Variants in MYCT1 observed in about 807,000 individuals in gnomAD.
The protein encoded by MYCT1 is MYC target 1.
MYCT1 carries 12 observed loss-of-function variants against 15.0 expected under a neutral mutation model. That is an observed-to-expected ratio of 0.80 (90% CI 0.51 to 1.29). The LOEUF (loss-of-function observed/expected upper bound fraction) is 1.29. MYCT1 is among the 50% of genes most tolerant of loss of function. The pLI is 0.00. For missense variants in MYCT1, 287 were observed against 279.1 expected (o/e 1.03, Z -0.20); for synonymous variants, 104 against 102.7 (o/e 1.01, Z -0.07).
chr6:152,713,523 ATGTTTTC>A (rs566710995), intron 1 of MYCT1, among the ~76,000 whole-genome samples: 2 of 152,234 alleles, frequency 1.3e-5, no homozygotes, highest in Non-Finnish European at 2.9e-5. Flanking sequence ...GTTATGATGT[ATGTTTTC>A]CCCCTAGTTT....
intron 1 of MYCT1, among the ~76,000 whole-genome samples, chr6:152,705,279 C>T (rs1004274114): frequency 6.6e-6 from 1 of 152,132 alleles, no homozygotes; most frequent in African/African-American, 2.4e-5. Flanking sequence ...TAACACCAAG[C>T]CTATTTTATT....
At chr6:152,706,201 C>T in intron 1 of MYCT1, 2 of 822,898 alleles carry the variant, frequency 2.4e-6, no homozygotes, top group South Asian at 1.3e-5. Flanking sequence ...TCACCAATAA[C>T]TTCAGAGAAG....
intron 1 of MYCT1, among the ~76,000 whole-genome samples, chr6:152,714,305 C>CTT (rs5880998): frequency 1.0e-4 from 12 of 120,028 alleles, no homozygotes; most frequent in African/African-American, 3.8e-4. Flanking sequence ...TTTTCTTTTT[C>CTT]TTTTTTTTTT....
the MYCT1 span, among the ~76,000 whole-genome samples, chr6:152,739,441 G>A: frequency 6.6e-6 from 1 of 151,586 alleles, no homozygotes; most frequent in Non-Finnish European, 1.5e-5. Context: ...TAATGATTTT[G>A]ATATAGATTG....
intron 1 of MYCT1, among the ~76,000 whole-genome samples, chr6:152,718,362 C>T (rs1270839196): frequency 6.6e-6 from 1 of 151,990 alleles, no homozygotes; most frequent in African/African-American, 2.4e-5. Flanking sequence ...ATATTTCTCA[C>T]TCCATGTATT....
the MYCT1 span, among the ~76,000 whole-genome samples, chr6:152,731,498 C>T: frequency 9.7e-3 from 1,474 of 152,158 alleles, 25 homozygotes; most frequent in African/African-American, 0.03. Context: ...TGAGGTATAT[C>T]TCCTAATGCT....
intron 1 of MYCT1, among the ~76,000 whole-genome samples, chr6:152,720,710 TA>T (rs1431352445): frequency 2.0e-5 from 3 of 152,018 alleles, no homozygotes; most frequent in African/African-American, 7.2e-5. Context: ...CAGGCTTTGG[TA>T]CAGTGAGAAA....
chr6:152,745,246 G>A, the MYCT1 span, among the ~76,000 whole-genome samples: 3 of 152,164 alleles, frequency 2.0e-5, no homozygotes, highest in African/African-American at 7.2e-5. Context: ...TAAAGTAATG[G>A]TGAGTATATA....
intron 1 of MYCT1, among the ~76,000 whole-genome samples, chr6:152,713,924 G>T (rs1257625284): frequency 2.0e-5 from 3 of 152,094 alleles, no homozygotes; most frequent in Non-Finnish European, 4.4e-5. Flanking sequence ...AGTACTTGCT[G>T]TTCTTTTCTT....
At chr6:152,732,243 A>T in the MYCT1 span, among the ~76,000 whole-genome samples, 1 of 152,248 alleles carries the variant, frequency 6.6e-6, no homozygotes, top group Admixed American at 6.5e-5. Context: ...GACAAAGAAA[A>T]GTAACAGAAG....
intron 1 of MYCT1, among the ~76,000 whole-genome samples, chr6:152,706,847 ATG>A (rs4034690): frequency 0.25 from 37,167 of 147,980 alleles, 4,884 homozygotes; most frequent in South Asian, 0.36. Context: ...GAAACCATAT[ATG>A]TGTGTGTGTG....
chr6:152,717,898 T>G (rs929026316), intron 1 of MYCT1, among the ~76,000 whole-genome samples: 8 of 152,286 alleles, frequency 5.3e-5, no homozygotes, highest in African/African-American at 1.7e-4. Context: ...TGCACCCCCA[T>G]CTTATCCTAC....
At chr6:152,700,171 T>C (rs544875722) in intron 1 of MYCT1, among the ~76,000 whole-genome samples, 1 of 152,282 alleles carries the variant, frequency 6.6e-6, no homozygotes, top group African/African-American at 2.4e-5. Flanking sequence ...ATGTCAATCT[T>C]TTAAATTTCC....
At chr6:152,698,925 G>C (rs1344966967) in intron 1 of MYCT1, among the ~76,000 whole-genome samples, 1 of 152,186 alleles carries the variant, frequency 6.6e-6, no homozygotes, top group African/African-American at 2.4e-5. Flanking sequence ...GTACAAAGAA[G>C]ATGGGCTCAC....
chr6:152,723,933 T>C lies in MYCT1; in HGVS notation c.*1680T>C, dbSNP rs62426341. On this transcript the variant is annotated 3_prime_UTR_variant, in exon 2 of 2. Transcript: ENST00000367245. Reference sequence around the variant, plus strand: ...TTCCTATTGCAGTGGTCACAGCTAATAGTGTCTGAACATGGTTCAAGAATA... The same window carrying C: ...TTCCTATTGCAGTGGTCACAGCTAACAGTGTCTGAACATGGTTCAAGAATA... 2.6e-5 allele frequency: 4 copies of C among 152,272 alleles called. No individual in the cohort carries two copies. In the South Asian group the frequency reaches 8.3e-4, roughly 32 times the overall value. The allele number at this position is 152,272 out of a possible 1,614,324, so 9.4% of individuals were successfully genotyped here.
downstream of MYCT1, among the ~76,000 whole-genome samples, chr6:152,725,865 T>A (rs777627650): frequency 1.8e-4 from 27 of 152,084 alleles, no homozygotes; most frequent in Middle Eastern, 3.2e-3. Flanking sequence ...GCATTCCGTA[T>A]CAGATGTGAG....
intron 1 of MYCT1, among the ~76,000 whole-genome samples, chr6:152,704,355 T>G (rs1054183267): frequency 2.0e-5 from 3 of 152,218 alleles, no homozygotes; most frequent in African/African-American, 7.2e-5. Flanking sequence ...CAAATGGTCA[T>G]GTAAGTGTAA....
chr6:152,728,558 CT>C (rs1274009453), downstream of MYCT1, among the ~76,000 whole-genome samples: 6 of 151,414 alleles, frequency 4.0e-5, no homozygotes, highest in Admixed American at 1.3e-4. Context: ...AAAAAAAAAC[CT>C]TTAACAACAC....
chr6:152,746,360 G>A, the MYCT1 span, among the ~76,000 whole-genome samples: 1 of 152,186 alleles, frequency 6.6e-6, no homozygotes, highest in Non-Finnish European at 1.5e-5. Flanking sequence ...CTGGGAGGTA[G>A]CATAGACAGC....
Sources: gnomAD v4.1 joint callset for allele counts (sites outside exome capture counted in the v4.1 genomes callset) on GRCh38, gnomAD v4.1.1 for gene constraint, MANE v1.5 for transcripts, NCBI Gene and HGNC (gene_info 2026-07-23, HGNC 2026-07-21) for gene names.